Variants in ITPRID1 observed in about 807,000 individuals in gnomAD.
The protein encoded by ITPRID1 is ITPR interacting domain containing 1, also known as protein ITPRID1.
ITPRID1 carries 96 observed loss-of-function variants against 95.4 expected under a neutral mutation model. The ratio of observed to expected loss-of-function variants is 1.01; its 90% CI spans 0.85 to 1.19. ITPRID1 has a LOEUF of 1.19. ITPRID1 is among the 50% of genes most tolerant of loss of function. ITPRID1 has a pLI of 0.00. For synonymous variants in ITPRID1, 510 were observed against 453.6 expected (o/e 1.12, Z -1.58); for missense variants, 1,339 against 1,252.9 (o/e 1.07, Z -1.04).
chr7:31,529,692 A>G (rs1246267676), intron 1 of ITPRID1: 3 of 1,299,436 alleles, frequency 2.3e-6, no homozygotes, highest in Non-Finnish European at 2.1e-6. Context: ...TGCAGTCACA[A>G]GGGCTTTGTA....
At chr7:31,559,383 A>G (rs533645113) in intron 5 of ITPRID1, among the ~76,000 whole-genome samples, 1 of 152,274 alleles carries the variant, frequency 6.6e-6, no homozygotes, top group Non-Finnish European at 1.5e-5. Context: ...TTCCATGGCC[A>G]GACACAGTTG....
intron 10 of ITPRID1, among the ~76,000 whole-genome samples, chr7:31,599,696 C>CTTTG (rs1157668218): frequency 7.4e-6 from 1 of 134,598 alleles, no homozygotes; most frequent in Non-Finnish European, 1.6e-5. Context: ...CTCTCTCTTT[C>CTTTG]TTTCTTTCTT....
chr7:31,530,029 G>A (rs142250738), intron 1 of ITPRID1, among the ~76,000 whole-genome samples: 2 of 152,070 alleles, frequency 1.3e-5, no homozygotes, highest in African/African-American at 4.8e-5. Context: ...AATTGTCATG[G>A]ATTTGGGCCT....
At chr7:31,649,520 C>A (rs1181783936) in intron 12 of ITPRID1, among the ~76,000 whole-genome samples, 2 of 152,290 alleles carry the variant, frequency 1.3e-5, no homozygotes, top group Admixed American at 6.5e-5. Flanking sequence ...TTTAGCTAGA[C>A]ACATGGATGC....
At chr7:31,596,406 C>T (rs902699116) in intron 10 of ITPRID1, among the ~76,000 whole-genome samples, 58 of 150,788 alleles carry the variant, frequency 3.8e-4, no homozygotes, top group African/African-American at 1.4e-3. Flanking sequence ...GACTAAAAAT[C>T]TCAGAAAATT....
intron 7 of ITPRID1, among the ~76,000 whole-genome samples, 153 bp downstream of exon 7, chr7:31,572,341 T>G (rs1302393608): frequency 3.9e-5 from 6 of 152,188 alleles, no homozygotes; most frequent in Non-Finnish European, 8.8e-5. Flanking sequence ...ATAAAAGAGT[T>G]AAAGGAGTTA....
intron 10 of ITPRID1, among the ~76,000 whole-genome samples, chr7:31,611,757 A>G (rs1786879175): frequency 6.6e-6 from 1 of 151,862 alleles, no homozygotes; most frequent in African/African-American, 2.4e-5. Context: ...CTTGTATGTG[A>G]TGAGTCATTT....
In ITPRID1 at chr7:31,652,438, C is replaced by A. The variant is rs991955476; in HGVS notation, c.2824-80C>A. 3.4e-6 allele frequency: 5 copies of A among 1,492,342 alleles called. No individual in the cohort carries two copies. In the Admixed American group the frequency reaches 1.1e-4, roughly 32 times the overall value. 92.4% of individuals were successfully genotyped at this position (1,492,342 alleles called of 1,614,324 possible). On this transcript the variant is annotated intron_variant, in intron 14 of 14. Coordinates refer to ENST00000615280, the MANE Select transcript of ITPRID1 (RefSeq NM_001257967.3). ...CTAGAGAATCGACCACCTCATAATGCCTAGCTCACAAGTTTGAGTAAGCTG... is the reference window on the plus strand; with the variant it reads ...CTAGAGAATCGACCACCTCATAATGACTAGCTCACAAGTTTGAGTAAGCTG...
intron 1 of ITPRID1, among the ~76,000 whole-genome samples, chr7:31,517,074 T>C (rs1409673375): frequency 6.6e-6 from 1 of 152,184 alleles, no homozygotes; most frequent in East Asian, 1.9e-4. Context: ...ACAAGATTTA[T>C]TGCAAAGAGC....
chr7:31,527,710 T>C (rs1173295971), intron 1 of ITPRID1, among the ~76,000 whole-genome samples: 5 of 152,200 alleles, frequency 3.3e-5, no homozygotes, highest in South Asian at 4.1e-4. Flanking sequence ...TTAGATTTCA[T>C]AGAATCCTCT....
chr7:31,603,826 T>TCA lies in ITPRID1; in HGVS notation c.1228+20636_1228+20637dup, dbSNP rs560559062. Among the ~76,000 whole-genome samples, 198 of 152,264 alleles carry TCA rather than the reference T, an allele frequency of 1.3e-3. 1 individual carries two copies. The highest frequency in any genetic ancestry group is 4.5e-3 in the African/African-American group (189 of 41,556). The stretch of plus-strand genomic sequence containing the variant: ...CTCTGTAGCTACATTGCTCCTTTTT[T>TCA]CAGACTTCACTTCCAATCTCCTTTT... On this transcript the variant is annotated intron_variant, in intron 10 of 14. Transcript: ENST00000615280.
intron 10 of ITPRID1, among the ~76,000 whole-genome samples, chr7:31,597,671 G>A (rs116801626): frequency 6.6e-6 from 1 of 152,148 alleles, no homozygotes; most frequent in African/African-American, 2.4e-5. Context: ...GTTCATAAAT[G>A]GGAAAACTCC....
intron 12 of ITPRID1, among the ~76,000 whole-genome samples, chr7:31,648,070 G>C (rs921681984): frequency 1.3e-5 from 2 of 152,006 alleles, no homozygotes. Context: ...AAAAATTCCA[G>C]AAAAGAAAAT....
chr7:31,586,713 T>A (rs1304346681), intron 10 of ITPRID1, among the ~76,000 whole-genome samples: 1 of 152,164 alleles, frequency 6.6e-6, no homozygotes, highest in South Asian at 2.1e-4. Context: ...TAAATTTGTT[T>A]GAGTTCATTG....
intron 12 of ITPRID1, among the ~76,000 whole-genome samples, chr7:31,644,943 T>C (rs1161663271): frequency 6.6e-6 from 1 of 152,212 alleles, no homozygotes; most frequent in African/African-American, 2.4e-5. Flanking sequence ...CACAAATATT[T>C]AGTGAGTGTC....
chr7:31,551,541 G>T (rs1784285214), intron 2 of ITPRID1, among the ~76,000 whole-genome samples: 1 of 142,946 alleles, frequency 7.0e-6, no homozygotes, highest in Non-Finnish European at 1.6e-5. Context: ...TAATTGAAAT[G>T]TCTTCATTTT....
intron 10 of ITPRID1, among the ~76,000 whole-genome samples, chr7:31,593,057 C>T (rs1028353293): frequency 1.3e-5 from 2 of 152,144 alleles, no homozygotes; most frequent in African/African-American, 4.8e-5. Context: ...GTAATCCTGA[C>T]ACTTTGGGAG....
intron 10 of ITPRID1, among the ~76,000 whole-genome samples, chr7:31,588,230 T>C (rs1041693455): frequency 6.6e-6 from 1 of 152,066 alleles, no homozygotes; most frequent in African/African-American, 2.4e-5. Flanking sequence ...GGAGGGAGTT[T>C]CAACACATAG....
At chr7:31,624,803 A>AGT (rs2128184694) in intron 10 of ITPRID1, among the ~76,000 whole-genome samples, 1 of 152,314 alleles carries the variant, frequency 6.6e-6, no homozygotes, top group South Asian at 2.1e-4. Flanking sequence ...GCTTCTGCAC[A>AGT]GCAAAAGAAA....
Sources: gnomAD v4.1 joint callset for allele counts (sites outside exome capture counted in the v4.1 genomes callset) on GRCh38, gnomAD v4.1.1 for gene constraint, MANE v1.5 for transcripts, NCBI Gene and HGNC (gene_info 2026-07-23, HGNC 2026-07-21) for gene names.